SND1: variants seen among roughly 807,000 people sequenced by gnomAD.
SND1 encodes staphylococcal nuclease domain-containing protein 1.
SND1 carries 38 observed loss-of-function variants against 121.7 expected under a neutral mutation model. The observed-to-expected ratio is 0.31, with a 90% CI of 0.24 to 0.41. SND1 has a LOEUF of 0.41. SND1 is among the 10% of genes least tolerant of loss of function. The probability of loss-of-function intolerance (pLI) is 1.00; values close to 1 mark genes in which losing one functional copy is unlikely to be tolerated. For synonymous variants in SND1, 401 were observed against 447.4 expected (o/e 0.90, Z 1.31); for missense variants, 868 against 1,184.6 (o/e 0.73, Z 3.92).
chr7:127,898,499 A>G (rs972176155), intron 13 of SND1, among the ~76,000 whole-genome samples: 2 of 152,120 alleles, frequency 1.3e-5, no homozygotes, highest in Non-Finnish European at 2.9e-5. Context: ...AGTAACCAGG[A>G]GAAAGGCCGA....
chr7:127,695,076 A>G (rs1795983936), intron 3 of SND1, 128 bp downstream of exon 3: 1 of 1,096,728 alleles, frequency 9.1e-7, no homozygotes, highest in African/African-American at 1.6e-5. Context: ...GAAGGCATAA[A>G]TGCAAATGCT....
chr7:128,000,498 G>T (rs571221909), intron 16 of SND1, among the ~76,000 whole-genome samples: 1 of 151,772 alleles, frequency 6.6e-6, no homozygotes, highest in Admixed American at 6.6e-5. Flanking sequence ...CTCTCAAGTA[G>T]GTAGGACTAC....
intron 11 of SND1, among the ~76,000 whole-genome samples, chr7:127,822,877 C>T (rs1798575936): frequency 6.6e-6 from 1 of 152,126 alleles, no homozygotes; most frequent in Admixed American, 6.5e-5. Flanking sequence ...AGTGTATGGA[C>T]TTTGAAACCA....
chr7:127,966,966 G>A (rs936586952), intron 15 of SND1, among the ~76,000 whole-genome samples: 5 of 152,132 alleles, frequency 3.3e-5, no homozygotes, highest in Non-Finnish European at 4.4e-5. Context: ...TATTTCTAAC[G>A]GGGCACTAGT....
At chr7:128,030,681 G>C (rs928254162) in intron 16 of SND1, 7 of 1,522,642 alleles carry the variant, frequency 4.6e-6, no homozygotes, top group Non-Finnish European at 6.2e-6. Context: ...TGGGATTTTG[G>C]CTCGGAAAGG....
intron 12 of SND1, among the ~76,000 whole-genome samples, chr7:127,854,587 A>G (rs1799236238): frequency 7.1e-6 from 1 of 141,634 alleles, no homozygotes; most frequent in African/African-American, 2.7e-5. Context: ...TTTATTTAGA[A>G]TAGTGCCATG....
intron 11 of SND1, among the ~76,000 whole-genome samples, chr7:127,826,767 AT>A (rs1798649883): frequency 6.6e-6 from 1 of 152,312 alleles, no homozygotes; most frequent in Non-Finnish European, 1.5e-5. Flanking sequence ...AATTTTTAAA[AT>A]TTTTGACGTG....
chr7:127,731,127 T>G lies in SND1; in HGVS notation c.1152+9727T>G, dbSNP rs1796667961. ...CTCCCCTTCCAGCCTCCCGTCTCCCTTAGGCTCTTTCTGGCCTGAGGCATG... is the reference window on the plus strand; with the variant it reads ...CTCCCCTTCCAGCCTCCCGTCTCCCGTAGGCTCTTTCTGGCCTGAGGCATG... On this transcript the variant is annotated intron_variant, in intron 10 of 23. Transcript: ENST00000354725. Among the ~76,000 whole-genome samples the G allele has an allele frequency of 2.0e-5, 3 of 152,360 alleles. 1 individual carries two copies. In the South Asian group the frequency reaches 6.2e-4, roughly 32 times the overall value.
intron 16 of SND1, among the ~76,000 whole-genome samples, chr7:128,057,145 C>T (rs375522945): frequency 1.3e-5 from 2 of 152,130 alleles, no homozygotes; most frequent in African/African-American, 2.4e-5. Flanking sequence ...TTTCAGACAG[C>T]GGTTGACCAC....
intron 6 of SND1, 96 bp from the exon 7 acceptor site, chr7:127,703,069 G>A (rs1430973615): frequency 1.6e-5 from 22 of 1,357,588 alleles, no homozygotes; most frequent in Middle Eastern, 2.2e-4. Context: ...GTTTAGCTTC[G>A]TGGCATGTGT....
Position 127,721,337 on chromosome 7 carries a change from C to T in SND1, c.1089C>T (p.Gly363=), listed in dbSNP as rs748600038. ...ADAIVVKLNS[G]DYKTIHLSSI... ...CCATTGTTGTGAAGCTGAACTCAGG[C>T]GATTACAAGACGATTCACCTGTCCA... The change falls in exon 10 of 24, where the codon GGC becomes GGT. Residue 363 remains glycine (G), a synonymous_variant. Coordinates refer to ENST00000354725, the MANE Select transcript of SND1 (RefSeq NM_014390.4). 15 of 1,613,448 alleles carry T rather than the reference C, an allele frequency of 9.3e-6. No individual in the cohort carries two copies. The highest frequency in any genetic ancestry group is 1.1e-5 in the Non-Finnish European group (13 of 1,179,788).
chr7:127,766,772 A>C (rs1403768538), intron 10 of SND1, among the ~76,000 whole-genome samples: 1 of 26,878 alleles, frequency 3.7e-5, no homozygotes, highest in Non-Finnish European at 7.4e-5. Context: ...ACTTTGTCTC[A>C]AAAAAAAAAA....
intron 12 of SND1, among the ~76,000 whole-genome samples, chr7:127,867,971 G>A (rs1014029168): frequency 6.6e-6 from 1 of 151,856 alleles, no homozygotes; most frequent in Admixed American, 6.6e-5. Flanking sequence ...CATTTCATCT[G>A]GTTAGCTCTT....
At position 127,858,547 on chromosome 7, in the gene SND1, C is replaced by T. The variant is rs1249168603; in HGVS notation, c.1343+14123C>T. On this transcript the variant is annotated intron_variant, in intron 12 of 23. Coordinates refer to ENST00000354725, the MANE Select transcript of SND1 (RefSeq NM_014390.4). The stretch of plus-strand genomic sequence containing the variant: ...ATGCAGTGCAGATCTAAAGCAGCTG[C>T]CACAATCTGGACCTTAGCAACACTG... 4 of 428,160 alleles carry T rather than the reference C, an allele frequency of 9.3e-6. 1 individual carries two copies. Among genetic ancestry groups the T allele is most frequent in the East Asian group, 8.8e-5 (2 of 22,682 alleles). The allele number at this position is 428,160 out of a possible 1,614,324, so 26.5% of individuals were successfully genotyped here.
At chr7:127,953,747 T>C (rs1801524290) in intron 15 of SND1, among the ~76,000 whole-genome samples, 1 of 152,232 alleles carries the variant, frequency 6.6e-6, no homozygotes, top group South Asian at 2.1e-4. Context: ...TTGAAGGTAT[T>C]GGAAAACAAG....
intron 8 of SND1, among the ~76,000 whole-genome samples, chr7:127,706,064 A>AT (rs1420473796): frequency 2.0e-5 from 3 of 152,012 alleles, no homozygotes; most frequent in African/African-American, 2.4e-5. Flanking sequence ...ATTGCTTAGA[A>AT]TTTTTTTTAT....
At chr7:127,745,342 T>G (rs1255784772) in intron 10 of SND1, among the ~76,000 whole-genome samples, 1 of 152,086 alleles carries the variant, frequency 6.6e-6, no homozygotes, top group Non-Finnish European at 1.5e-5. Flanking sequence ...GTACAGTAAA[T>G]TTTATGGGAC....
At chr7:127,712,623 G>A (rs1461859319) in intron 9 of SND1, among the ~76,000 whole-genome samples, 1 of 152,170 alleles carries the variant, frequency 6.6e-6, no homozygotes, top group Non-Finnish European at 1.5e-5. Flanking sequence ...TGCCTATTGT[G>A]TTTTCTCGCC....
chr7:127,951,745 A>G (rs1253265699), intron 15 of SND1, among the ~76,000 whole-genome samples: 1 of 152,150 alleles, frequency 6.6e-6, no homozygotes, highest in Non-Finnish European at 1.5e-5. Context: ...CATTGCATAA[A>G]TCCTGGTCCC....
Sources: allele counts gnomAD v4.1 joint callset (sites outside exome capture counted in the v4.1 genomes callset), GRCh38; gene constraint gnomAD v4.1.1; transcripts MANE v1.5; gene names NCBI Gene and HGNC (gene_info 2026-07-23, HGNC 2026-07-21).